TRPM5: variants seen among roughly 807,000 people sequenced by gnomAD.
TRPM5 encodes MLSN1 and TRP-related.
Under a neutral mutation model 124.9 loss-of-function variants are expected in TRPM5, and 121 were observed. That is an observed-to-expected ratio of 0.97 (90% CI 0.84 to 1.13). The LOEUF is 1.13. TRPM5 is among the 50% of genes most tolerant of loss of function. The pLI, the probability that TRPM5 is intolerant of heterozygous loss-of-function variation, is 0.00. For missense variants in TRPM5, 1,643 were observed against 1,589.1 expected (o/e 1.03, Z -0.58); for synonymous variants, 781 against 700.5 (o/e 1.11, Z -1.81).
chr11:2,412,429 G>T (rs1850471234), intron 15 of TRPM5, among the ~76,000 whole-genome samples, 176 bp from the exon 21 acceptor site: 1 of 152,052 alleles, frequency 6.6e-6, no homozygotes, highest in Non-Finnish European at 1.5e-5. Flanking sequence ...GGGACAGAAG[G>T]TGAGGTCAGT....
At chr11:2,420,076 G>A (rs1845747656) in intron 4 of TRPM5, 146 bp downstream of exon 9, 1 of 330,084 alleles carries the variant, frequency 3.0e-6, no homozygotes, top group Non-Finnish European at 4.2e-6. Context: ...CCACGGCCCA[G>A]GTCTCGGTGC....
intron 12 of TRPM5, 52 bp downstream of exon 17, chr11:2,414,009 G>GGGGCCCCCCC: frequency 1.8e-5 from 18 of 1,023,718 alleles, no homozygotes; most frequent in Non-Finnish European, 2.4e-5. Context: ...GGCCCAGCTC[G>GGGGCCCCCCC]CCCGCCCACC....
chr11:2,415,181 G>T lies in TRPM5; in HGVS notation c.1419C>A (p.Phe473Leu), dbSNP rs201638929. ...AGAAGCCTCGGCAGGCGTCCTGCAG[G>T]AAGTCCTTGAGTACGCGGGAGACCT... Residue 473 changes from phenylalanine (F) to leucine (L), a missense_variant, in exon 9 of 24, where the codon TTC (phenylalanine) becomes TTA (leucine). Coordinates refer to ENST00000155858, the Ensembl canonical transcript of TRPM5. 6.0e-4 allele frequency: 950 copies of T among 1,585,172 alleles called. 2 individuals carry two copies. The highest frequency in any genetic ancestry group is 1.3e-3 in the Middle Eastern group (8 of 5,986).
At chr11:2,425,871 A>G (rs1486398031), upstream of TRPM5, among the ~76,000 whole-genome samples, 1 of 152,118 alleles carries the variant, frequency 6.6e-6, no homozygotes, top group Non-Finnish European at 1.5e-5. Context: ...CATGACTCTT[A>G]GGCCATAGAT....
chr11:2,420,475 TC>T, intron 3 of TRPM5, 70 bp from the exon 9 acceptor site: 3 of 1,482,798 alleles, frequency 2.0e-6, no homozygotes, highest in Non-Finnish European at 2.7e-6. Context: ...TGCGGGATCC[TC>T]CCTGCCAGGC....
chr11:2,421,563 C>T (rs1260080139), intron 2 of TRPM5, among the ~76,000 whole-genome samples: 3 of 152,208 alleles, frequency 2.0e-5, no homozygotes, highest in Admixed American at 6.5e-5. Context: ...AATGACAAAG[C>T]CCTCGGCCCT....
chr11:2,406,919 GGCAA>G, intron 20 of TRPM5, 126 bp from the exon 26 acceptor site: 1 of 1,418,596 alleles, frequency 7.0e-7, no homozygotes, highest in Non-Finnish European at 9.4e-7. Flanking sequence ...AGGGATGGAG[GGCAA>G]GCATGGCCCT....
the TRPM5 span, among the ~76,000 whole-genome samples, chr11:2,443,833 C>CCA: frequency 1.3e-4 from 19 of 148,152 alleles, no homozygotes; most frequent in African/African-American, 4.7e-4. The surrounding 1 kb of genome is among the most constrained non-coding windows in gnomAD (Gnocchi z 5.0). Context: ...ACCCCCCCCC[C>CCA]AAGCCTGAGA....
intron 18 of TRPM5, among the ~76,000 whole-genome samples, chr11:2,410,912 CA>C (rs1479522595): frequency 6.6e-6 from 1 of 152,184 alleles, no homozygotes; most frequent in Non-Finnish European, 1.5e-5. Context: ...GGGCAGAGGC[CA>C]GGGGCTGTGA....
At chr11:2,406,912 G>T (rs1850334149) in intron 20 of TRPM5, 119 bp from the exon 26 acceptor site, 12 of 1,446,274 alleles carry the variant, frequency 8.3e-6, no homozygotes, top group Non-Finnish European at 1.1e-5. Flanking sequence ...CCCAGCCAGG[G>T]ATGGAGGGCA....
At chr11:2,425,283 T>TC (rs1034799942), upstream of TRPM5, among the ~76,000 whole-genome samples, 2 of 152,042 alleles carry the variant, frequency 1.3e-5, no homozygotes, top group Non-Finnish European at 2.9e-5. Context: ...AGGGCCGTGC[T>TC]CCCCCTGGAA....
At chr11:2,412,294 G>A (rs377219585) in intron 15 of TRPM5, 41 bp from the exon 21 acceptor site, 55 of 1,457,624 alleles carry the variant, frequency 3.8e-5, no homozygotes, top group South Asian at 1.1e-4. Flanking sequence ...CTGTCCAGCC[G>A]CCCTCGCTGG....
chr11:2,418,329 G>A (rs764552904), exon 6 of TRPM5: 2 of 1,564,270 alleles, frequency 1.3e-6, no homozygotes, highest in East Asian at 2.4e-5. Flanking sequence ...TCAGCCACGG[G>A]GCAGCCTGCT....
intron 7 of TRPM5, 30 bp downstream of exon 12, chr11:2,417,697 G>T (rs370069549): frequency 2.7e-6 from 4 of 1,496,724 alleles, no homozygotes; most frequent in Admixed American, 1.9e-5. Flanking sequence ...CCCCAATGGC[G>T]CCTGCCTTGC....
At chr11:2,426,648 A>T (rs1242042562), upstream of TRPM5, among the ~76,000 whole-genome samples, 1 of 152,102 alleles carries the variant, frequency 6.6e-6, no homozygotes, top group African/African-American at 2.4e-5. Flanking sequence ...CTCAGGGCAG[A>T]GCTGGATGAC....
chr11:2,415,313 G>C, exon 9 of TRPM5: 1 of 1,583,842 alleles, frequency 6.3e-7, no homozygotes, highest in Non-Finnish European at 8.5e-7. Flanking sequence ...GCAGCAGGTC[G>C]AAGAGCAGGC....
exon 24 of TRPM5, chr11:2,404,645 G>C (rs970661887): frequency 7.0e-5 from 33 of 470,924 alleles, no homozygotes; most frequent in African/African-American, 6.3e-4. Context: ...TTTCCACAGT[G>C]CAGGCTGGTC....
chr11:2,407,374 G>T, intron 19 of TRPM5, 74 bp from the exon 25 acceptor site: 1 of 1,430,504 alleles, frequency 7.0e-7, no homozygotes, highest in Non-Finnish European at 9.5e-7. Context: ...CCTGCACCCT[G>T]ATTGCTGTTG....
At chr11:2,414,332 C>G in intron 11 of TRPM5, 126 bp from the exon 17 acceptor site, 1 of 1,351,490 alleles carries the variant, frequency 7.4e-7, no homozygotes, top group Non-Finnish European at 9.9e-7. Context: ...CACGCAGGGC[C>G]CAGCCAGGCC....
Sources: allele counts gnomAD v4.1 joint callset (sites outside exome capture counted in the v4.1 genomes callset), GRCh38; gene constraint gnomAD v4.1.1; non-coding constraint Gnocchi (gnomAD v3.1); transcripts MANE v1.5; gene names NCBI Gene and HGNC (gene_info 2026-07-23, HGNC 2026-07-21).